The following GMDS variants were observed in gnomAD, a reference collection of about 807,000 sequenced individuals.
GMDS encodes GDP-mannose 4,6-dehydratase, also known as GDP-mannose 4,6 dehydratase.
A neutral mutation model predicts 49.9 loss-of-function variants in GMDS; 20 were observed. The observed-to-expected ratio is 0.40, with a 90% CI of 0.28 to 0.58. The LOEUF is 0.58. GMDS is among the 20% of genes least tolerant of loss of function. GMDS has a pLI of 0.42. For synonymous variants in GMDS, 177 were observed against 178.6 expected (o/e 0.99, Z 0.07); for missense variants, 362 against 481.4 (o/e 0.75, Z 2.32).
At chr6:1,894,871 T>C (rs901680116) in intron 7 of GMDS, among the ~76,000 whole-genome samples, 2 of 152,226 alleles carry the variant, frequency 1.3e-5, no homozygotes, top group Non-Finnish European at 2.9e-5. Context: ...TAGTTATTAG[T>C]TGAGGTACGG....
intron 1 of GMDS, among the ~76,000 whole-genome samples, chr6:2,156,156 G>C (rs149495085): frequency 7.0e-4 from 106 of 151,796 alleles, no homozygotes; most frequent in African/African-American, 2.5e-3. Context: ...TTTCTGATTC[G>C]GGGCTTAGAA....
intron 1 of GMDS, among the ~76,000 whole-genome samples, chr6:2,212,516 C>T (rs369348795): frequency 1.3e-5 from 2 of 152,172 alleles, no homozygotes; most frequent in East Asian, 3.9e-4. Flanking sequence ...TCCTTATGTG[C>T]TTAAAATTTA....
At chr6:1,788,996 G>T (rs1027462917) in intron 7 of GMDS, among the ~76,000 whole-genome samples, 1 of 152,132 alleles carries the variant, frequency 6.6e-6, no homozygotes, top group Admixed American at 6.5e-5. Flanking sequence ...ATAACCAACT[G>T]GTTATAAACC....
At chr6:1,701,906 T>C (rs1765555210) in intron 9 of GMDS, among the ~76,000 whole-genome samples, 1 of 152,242 alleles carries the variant, frequency 6.6e-6, no homozygotes, top group South Asian at 2.1e-4. Flanking sequence ...GAAGTAGTTC[T>C]TCCAAAGTAG....
At chr6:2,114,134 A>G (rs1358475666) in intron 4 of GMDS, among the ~76,000 whole-genome samples, 1 of 152,168 alleles carries the variant, frequency 6.6e-6, no homozygotes, top group Non-Finnish European at 1.5e-5. Context: ...ACTAAATGAC[A>G]AGGGGAAGGT....
chr6:2,199,210 T>C (rs1779401613), intron 1 of GMDS, among the ~76,000 whole-genome samples: 1 of 152,236 alleles, frequency 6.6e-6, no homozygotes, highest in Non-Finnish European at 1.5e-5. Flanking sequence ...CATGGTGGTG[T>C]TTACTCATTA....
intron 7 of GMDS, among the ~76,000 whole-genome samples, chr6:1,898,234 T>TGGAG (rs1174025008): frequency 6.6e-6 from 1 of 152,266 alleles, no homozygotes; most frequent in Non-Finnish European, 1.5e-5. Context: ...GAAGAGACCC[T>TGGAG]GGAGGCCTTT....
At chr6:1,830,400 A>G (rs564238705) in intron 7 of GMDS, among the ~76,000 whole-genome samples, 119 of 152,346 alleles carry the variant, frequency 7.8e-4, no homozygotes, top group African/African-American at 2.8e-3. Context: ...ATGTCTCCAC[A>G]CATTGCCCTG....
chr6:1,878,903 G>A (rs929770473), intron 7 of GMDS, among the ~76,000 whole-genome samples: 2 of 152,064 alleles, frequency 1.3e-5, no homozygotes, highest in African/African-American at 2.4e-5. Flanking sequence ...AATATACCTG[G>A]GCCCTGAGCT....
intron 7 of GMDS, among the ~76,000 whole-genome samples, chr6:1,819,774 A>ATATATATATATATATAT (rs1554123170): frequency 2.4e-5 from 3 of 123,778 alleles, no homozygotes; most frequent in African/African-American, 8.6e-5. Flanking sequence ...AAAAAAAAAA[A>ATATATATATATATATAT]AAATATATAT....
chr6:2,129,298 G>A (rs1018755481), intron 1 of GMDS, among the ~76,000 whole-genome samples: 1 of 152,022 alleles, frequency 6.6e-6, no homozygotes, highest in Non-Finnish European at 1.5e-5. Flanking sequence ...ACCTATGTAC[G>A]AGGGCAAGCC....
chr6:1,898,174 C>A (rs1013532200), intron 7 of GMDS, among the ~76,000 whole-genome samples: 2 of 151,366 alleles, frequency 1.3e-5, no homozygotes, highest in Non-Finnish European at 3.0e-5. Context: ...CCTGGCCTCC[C>A]TTACCCTCTT....
At chr6:1,723,786 G>T (rs1457163226) in intron 9 of GMDS, among the ~76,000 whole-genome samples, 1 of 152,120 alleles carries the variant, frequency 6.6e-6, no homozygotes. Context: ...GAGAAGGAAA[G>T]ATTCAGTTTA....
At chr6:1,680,834 T>C (rs1251339869) in intron 9 of GMDS, among the ~76,000 whole-genome samples, 1 of 152,150 alleles carries the variant, frequency 6.6e-6, no homozygotes, top group Non-Finnish European at 1.5e-5. Context: ...CCCAGAGCCC[T>C]TGCCATTTCT....
At chr6:1,669,917 C>CAAAAA (rs66490758) in intron 9 of GMDS, among the ~76,000 whole-genome samples, 64 of 45,196 alleles carry the variant, frequency 1.4e-3, no homozygotes, top group Non-Finnish European at 1.8e-3. Flanking sequence ...GACTCCATCT[C>CAAAAA]AAAAAAAAAA....
chr6:1,923,070 C>T (rs141048784), intron 7 of GMDS, among the ~76,000 whole-genome samples: 7,508 of 152,260 alleles, frequency 0.049, 273 homozygotes, highest in Non-Finnish European at 0.074. Flanking sequence ...CCATGTAAGA[C>T]GTGCCTTTCG....
At chr6:1,852,907 T>C (rs1048131799) in intron 7 of GMDS, among the ~76,000 whole-genome samples, 2 of 151,994 alleles carry the variant, frequency 1.3e-5, no homozygotes, top group African/African-American at 2.4e-5. Context: ...TGTGCCTGTT[T>C]GTTGGTCAGG....
At chr6:1,880,442 G>A (rs1759309879) in intron 7 of GMDS, among the ~76,000 whole-genome samples, 1 of 152,100 alleles carries the variant, frequency 6.6e-6, no homozygotes, top group Non-Finnish European at 1.5e-5. Flanking sequence ...GGGTGACACA[G>A]CAAGATTTTG....
At chr6:1,834,939 G>A (rs1756854649) in intron 7 of GMDS, among the ~76,000 whole-genome samples, 2 of 152,028 alleles carry the variant, frequency 1.3e-5, no homozygotes, top group Admixed American at 6.6e-5. Flanking sequence ...TGTCTCTGAG[G>A]GCATTTCAGT....
Sources: allele counts gnomAD v4.1 joint callset (sites outside exome capture counted in the v4.1 genomes callset), GRCh38; gene constraint gnomAD v4.1.1; transcripts MANE v1.5; gene names NCBI Gene and HGNC (gene_info 2026-07-23, HGNC 2026-07-21).